The following SLC27A6 variants were observed in gnomAD, a reference collection of about 807,000 sequenced individuals.
SLC27A6 encodes the protein solute carrier family 27 member 6, also known as long-chain fatty acid transport protein 6.
Under a neutral mutation model 63.9 loss-of-function variants are expected in SLC27A6, and 74 were observed. The ratio of observed to expected loss-of-function variants is 1.16; its 90% CI spans 0.96 to 1.40. The LOEUF (loss-of-function observed/expected upper bound fraction) is 1.40. Among genes scored for constraint, SLC27A6 ranks in the 40% most tolerant of loss-of-function variants. The pLI, the probability that SLC27A6 is intolerant of heterozygous loss-of-function variation, is 0.00. For synonymous variants in SLC27A6, 287 were observed against 260.8 expected (o/e 1.10, Z -0.97); for missense variants, 794 against 732.9 (o/e 1.08, Z -0.96).
chr5:128,969,243 G>T (rs887275373), intron 1 of SLC27A6, among the ~76,000 whole-genome samples: 1 of 152,168 alleles, frequency 6.6e-6, no homozygotes, highest in Non-Finnish European at 1.5e-5. Flanking sequence ...TCTTGGCAAT[G>T]CAGGCTCTTT....
At chr5:129,027,869 A>G (rs1305501972) in intron 7 of SLC27A6, among the ~76,000 whole-genome samples, 1 of 152,106 alleles carries the variant, frequency 6.6e-6, no homozygotes, top group Non-Finnish European at 1.5e-5. Flanking sequence ...CAAAATATTC[A>G]TTCAAAAGCA....
intron 5 of SLC27A6, among the ~76,000 whole-genome samples, chr5:129,021,217 C>A (rs934225308): frequency 6.7e-6 from 1 of 150,288 alleles, no homozygotes; most frequent in Non-Finnish European, 1.5e-5. Flanking sequence ...ATGTACTACT[C>A]TATTAAGAAT....
chr5:129,029,454 C>T (rs1752346983), intron 8 of SLC27A6, 123 bp from the exon 9 acceptor site: 5 of 639,384 alleles, frequency 7.8e-6, no homozygotes, highest in Non-Finnish European at 1.1e-5. Context: ...GTTTATGCTC[C>T]TGTTGTCTTA....
chr5:128,989,673 C>G lies in SLC27A6; in HGVS notation c.845-667C>G, dbSNP rs576879935. On this transcript the variant is annotated intron_variant, in intron 3 of 9. Transcript: ENST00000262462. ...GGCGCAGTGGCTCATGCCTGTAATC[C>G]CAGCACTTTGGGAGGCTGAGGCAGG... 2.0e-5 allele frequency among the ~76,000 whole-genome samples: 3 copies of G among 152,148 alleles called. No homozygotes were observed. The South Asian group carries it at 6.2e-4, about 32-fold the overall frequency.
chr5:129,018,464 C>A (rs982583928), intron 5 of SLC27A6, among the ~76,000 whole-genome samples: 1 of 152,038 alleles, frequency 6.6e-6, no homozygotes, highest in Non-Finnish European at 1.5e-5. Context: ...AAAGAAGGTG[C>A]AAACTATTTT....
At chr5:129,007,171 C>G (rs931331351) in intron 4 of SLC27A6, among the ~76,000 whole-genome samples, 1 of 152,004 alleles carries the variant, frequency 6.6e-6, no homozygotes, top group East Asian at 1.9e-4. Flanking sequence ...TTGAATGTGG[C>G]TGGGCACAAT....
intron 4 of SLC27A6, among the ~76,000 whole-genome samples, chr5:128,992,438 C>G (rs904231416): frequency 6.6e-6 from 1 of 152,174 alleles, no homozygotes; most frequent in Admixed American, 6.5e-5. Flanking sequence ...TCATTTTGAG[C>G]TTGGAGTTCA....
intron 1 of SLC27A6, among the ~76,000 whole-genome samples, chr5:128,972,757 A>G (rs1750225320): frequency 6.6e-6 from 1 of 152,172 alleles, no homozygotes. Context: ...GGTCTTCTGA[A>G]GCCTGCTTCT....
At chr5:128,982,919 C>A (rs894781649) in intron 1 of SLC27A6, among the ~76,000 whole-genome samples, 1 of 152,180 alleles carries the variant, frequency 6.6e-6, no homozygotes, top group Non-Finnish European at 1.5e-5. Flanking sequence ...ATTATAATTT[C>A]TGTGTTGCCT....
At chr5:128,996,880 G>C (rs186539271) in intron 4 of SLC27A6, among the ~76,000 whole-genome samples, 1 of 152,124 alleles carries the variant, frequency 6.6e-6, no homozygotes, top group East Asian at 1.9e-4. Context: ...CATTTGTTTC[G>C]CCAGTTACTT....
In SLC27A6 at chr5:128,985,119, C is replaced by A. The variant is rs759784112; in HGVS notation, c.482-14C>A. The A allele has an allele frequency of 3.1e-6, 5 of 1,605,996 alleles. No homozygotes were observed. Among genetic ancestry groups the A allele is most frequent in the Non-Finnish European group, 8.5e-7 (1 of 1,174,294 alleles). On this transcript the variant is annotated splice_polypyrimidine_tract_variant and intron_variant, in intron 1 of 9. Coordinates refer to ENST00000262462, the MANE Select transcript of SLC27A6 (RefSeq NM_001017372.3). Reference sequence around the variant, plus strand: ...TAAGGTTTGCTTAACTCTTCCCAACCCTTTGGCTTTTAGATTTGCTTGGAA... The same window carrying A: ...TAAGGTTTGCTTAACTCTTCCCAACACTTTGGCTTTTAGATTTGCTTGGAA...
At chr5:128,990,626 G>A (rs1236735492) in intron 4 of SLC27A6, among the ~76,000 whole-genome samples, 162 bp downstream of exon 4, 4 of 152,196 alleles carry the variant, frequency 2.6e-5, no homozygotes, top group Admixed American at 2.6e-4. Flanking sequence ...ATGGTGGCGG[G>A]CAGCTCCCAA....
intron 6 of SLC27A6, among the ~76,000 whole-genome samples, chr5:129,026,911 T>A (rs182328573): frequency 3.6e-4 from 55 of 152,262 alleles, no homozygotes; most frequent in African/African-American, 1.3e-3. Flanking sequence ...CAATTCCCTT[T>A]TTATTAGTTT....
chr5:129,009,894 C>A (rs1039319234), intron 4 of SLC27A6, among the ~76,000 whole-genome samples: 1 of 152,158 alleles, frequency 6.6e-6, no homozygotes, highest in Non-Finnish European at 1.5e-5. Flanking sequence ...CCAGGCTGGT[C>A]TCTAATTCCT....
chr5:129,013,826 C>G (rs183945894), intron 4 of SLC27A6, among the ~76,000 whole-genome samples: 1 of 152,202 alleles, frequency 6.6e-6, no homozygotes, highest in Non-Finnish European at 1.5e-5. Context: ...CTTTGCGTCT[C>G]ATATGTCTTT....
Position 128,966,423 on chromosome 5 carries a change from T to A in SLC27A6, c.286T>A (p.Phe96Ile). ...DKRSSRVAHV[F>I]LNHSSLKKGD... ...AAGGAGCAGCAGAGTGGCCCATGTC[T>A]TCCTGAACCATTCCTCTCTGAAAAA... The change falls in exon 1 of 10, where the codon TTC becomes ATC. Residue 96 changes from phenylalanine (F) to isoleucine (I), a missense_variant. Phe to Ile is a conservative substitution (Grantham distance 21). Transcript: ENST00000262462. 1 of 1,608,174 alleles carries A rather than the reference T, an allele frequency of 6.2e-7. No homozygotes were observed. Among genetic ancestry groups the A allele is most frequent in the Non-Finnish European group, 8.5e-7 (1 of 1,177,184 alleles).
At chr5:129,031,663 A>T (rs76830819) in intron 9 of SLC27A6, among the ~76,000 whole-genome samples, 2,960 of 152,042 alleles carry the variant, frequency 0.019, 100 homozygotes, top group African/African-American at 0.068. Flanking sequence ...AAAGTTCATG[A>T]ATAAGGGCAA....
chr5:128,983,901 C>G (rs1750700016), intron 1 of SLC27A6, among the ~76,000 whole-genome samples: 1 of 152,268 alleles, frequency 6.6e-6, no homozygotes, highest in East Asian at 1.9e-4. Flanking sequence ...CTCTTAGCTT[C>G]TGGTAGTTGC....
At chr5:129,001,272 C>T (rs911029819) in intron 4 of SLC27A6, among the ~76,000 whole-genome samples, 37 of 152,292 alleles carry the variant, frequency 2.4e-4, no homozygotes, top group African/African-American at 7.7e-4. Context: ...AAAAGAAAAT[C>T]TGTTCTTCTG....
Sources: gnomAD v4.1 joint callset for allele counts (sites outside exome capture counted in the v4.1 genomes callset) on GRCh38, gnomAD v4.1.1 for gene constraint, MANE v1.5 for transcripts, NCBI Gene and HGNC (gene_info 2026-07-23, HGNC 2026-07-21) for gene names.